Variants in RBFOX1 observed in about 807,000 individuals in gnomAD.
RBFOX1 encodes RNA binding fox-1 homolog 1.
Under a neutral mutation model 57.7 loss-of-function variants are expected in RBFOX1, and 8 were observed. The ratio of observed to expected loss-of-function variants is 0.14; its 90% CI spans 0.08 to 0.25. The LOEUF is 0.25. Ranked by LOEUF, RBFOX1 falls within the 10% of genes least tolerant of loss-of-function variation. The pLI is 1.00. For synonymous variants in RBFOX1, 326 were observed against 222.4 expected (o/e 1.47, Z -4.15); for missense variants, 611 against 548.5 (o/e 1.11, Z -1.14).
intron 2 of RBFOX1, among the ~76,000 whole-genome samples, chr16:5,473,657 A>G (rs879726871): frequency 2.2e-4 from 23 of 106,528 alleles, no homozygotes; most frequent in Non-Finnish European, 3.9e-4. Flanking sequence ...GTGGATGGAC[A>G]GAAGGAAGGA....
At chr16:5,851,564 G>C (rs2056898145) in intron 3 of RBFOX1, among the ~76,000 whole-genome samples, 1 of 152,140 alleles carries the variant, frequency 6.6e-6, no homozygotes, top group Admixed American at 6.6e-5. Flanking sequence ...GTCAACAGCA[G>C]GCCCAGCCCA....
At chr16:5,439,983 G>A (rs2068035664) in intron 1 of RBFOX1, among the ~76,000 whole-genome samples, 1 of 152,178 alleles carries the variant, frequency 6.6e-6, no homozygotes, top group African/African-American at 2.4e-5. Flanking sequence ...ATAAATGCCA[G>A]AGCTAAAGAT....
chr16:6,809,432 C>A (rs540378881), intron 3 of RBFOX1, among the ~76,000 whole-genome samples: 1 of 152,102 alleles, frequency 6.6e-6, no homozygotes, highest in African/African-American at 2.4e-5. Flanking sequence ...TGGATATACA[C>A]ATAGATGTAT....
At chr16:6,290,122 G>A (rs563095034) in intron 1 of RBFOX1, among the ~76,000 whole-genome samples, 13 of 151,178 alleles carry the variant, frequency 8.6e-5, no homozygotes, top group East Asian at 1.9e-4. Context: ...AGCTTGGATC[G>A]TTGTATTTAG....
At chr16:6,548,335 T>G (rs939499462) in intron 2 of RBFOX1, among the ~76,000 whole-genome samples, 1 of 152,142 alleles carries the variant, frequency 6.6e-6, no homozygotes, top group Non-Finnish European at 1.5e-5. Context: ...CTTAAAAGAA[T>G]AGAAATGAGA....
At chr16:7,581,513 C>G (rs1465272957) in intron 6 of RBFOX1, among the ~76,000 whole-genome samples, 11 of 152,136 alleles carry the variant, frequency 7.2e-5, no homozygotes, top group Non-Finnish European at 2.9e-5. Context: ...TCCTGACACT[C>G]TTTCATGGTG....
At position 7,295,832 on chromosome 16, in the gene RBFOX1, A is replaced by T. The variant is rs144242156; in HGVS notation, c.28-222315A>T. ...TGAGGAACAAGAATAAACTCTGGTG[A>T]TCCAACAAATTCAATTCATTTGACC... On this transcript the variant is annotated intron_variant, in intron 4 of 15. Coordinates refer to ENST00000550418, the MANE Select transcript of RBFOX1 (RefSeq NM_018723.4). Among the ~76,000 whole-genome samples, 3 of 152,278 alleles carry T rather than the reference A, an allele frequency of 2.0e-5. No homozygotes were observed. In the East Asian group the frequency reaches 5.8e-4, roughly 29 times the overall value.
chr16:5,982,804 A>G (rs1244819795), intron 4 of RBFOX1, among the ~76,000 whole-genome samples: 7 of 152,200 alleles, frequency 4.6e-5, no homozygotes, highest in Non-Finnish European at 1.0e-4. Context: ...TCTCTCTACT[A>G]GAACGTAAAT....
At chr16:5,424,862 C>CT (rs2067469725) in intron 1 of RBFOX1, among the ~76,000 whole-genome samples, 2 of 135,230 alleles carry the variant, frequency 1.5e-5, no homozygotes, top group African/African-American at 6.0e-5. Context: ...TCTCTCTCTT[C>CT]TTTCTTTCTT....
intron 1 of RBFOX1, among the ~76,000 whole-genome samples, chr16:5,258,110 C>G (rs2062635431): frequency 6.6e-6 from 1 of 152,092 alleles, no homozygotes; most frequent in Admixed American, 6.5e-5. Flanking sequence ...AACTCCTGGG[C>G]TCAAGCAGTC....
intron 4 of RBFOX1, among the ~76,000 whole-genome samples, chr16:5,912,777 G>C (rs1410345326): frequency 1.3e-5 from 2 of 152,130 alleles, no homozygotes; most frequent in Non-Finnish European, 2.9e-5. Context: ...GAAATAATTA[G>C]AGGCGGCAGA....
At chr16:7,224,139 A>AAAT (rs1423097822) in intron 4 of RBFOX1, among the ~76,000 whole-genome samples, 2 of 148,132 alleles carry the variant, frequency 1.4e-5, no homozygotes, top group African/African-American at 4.9e-5. Context: ...AAAAAAAAAA[A>AAAT]AAAAAAAAAA....
intron 2 of RBFOX1, among the ~76,000 whole-genome samples, chr16:6,375,666 C>G (rs953821190): frequency 6.6e-6 from 1 of 152,110 alleles, no homozygotes; most frequent in Non-Finnish European, 1.5e-5. Context: ...TCTTCAGCAT[C>G]CAGATGGGAA....
intron 4 of RBFOX1, among the ~76,000 whole-genome samples, chr16:7,409,126 G>C (rs1487972824): frequency 6.6e-6 from 1 of 152,220 alleles, no homozygotes; most frequent in African/African-American, 2.4e-5. Flanking sequence ...AGCCAGATCA[G>C]CAGAATCCGG....
intron 4 of RBFOX1, among the ~76,000 whole-genome samples, chr16:7,270,420 A>T (rs2153110483): frequency 6.6e-6 from 1 of 152,362 alleles, no homozygotes; most frequent in East Asian, 1.9e-4. Flanking sequence ...TAACAATGAT[A>T]AAGGAAGATA....
intron 2 of RBFOX1, among the ~76,000 whole-genome samples, chr16:6,360,124 G>A (rs750618946): frequency 4.6e-5 from 7 of 151,942 alleles, no homozygotes; most frequent in Admixed American, 4.6e-4. Flanking sequence ...TTTCCAGTAT[G>A]CATCTGTTCT....
chr16:6,582,979 C>T (rs1439765926), intron 2 of RBFOX1, among the ~76,000 whole-genome samples: 1 of 151,540 alleles, frequency 6.6e-6, no homozygotes, highest in East Asian at 1.9e-4. Flanking sequence ...TAATTCTGGA[C>T]CTCCCTCTTC....
intron 3 of RBFOX1, among the ~76,000 whole-genome samples, chr16:6,943,161 C>T (rs2078856882): frequency 1.3e-5 from 2 of 152,184 alleles, no homozygotes; most frequent in African/African-American, 4.8e-5. Context: ...TGGCTACCAG[C>T]TCTCCACTCT....
Position 6,190,563 on chromosome 16 carries a change from A to G in RBFOX1, c.-126-126432A>G, listed in dbSNP as rs139747247. ...GAAGTTGAATGAGAAAAATCGACTT[A>G]AATCTTTCAGCACTGCCTGTAACAT... is the stretch of plus-strand genomic sequence containing the variant. On this transcript the variant is annotated intron_variant, in intron 1 of 15. Transcript: ENST00000550418. 1.4e-4 allele frequency among the ~76,000 whole-genome samples: 21 copies of G among 152,320 alleles called. No individual in the cohort carries two copies. In the East Asian group the frequency reaches 4.1e-3, roughly 29 times the overall value.
Sources: allele counts gnomAD v4.1 joint callset (sites outside exome capture counted in the v4.1 genomes callset), GRCh38; gene constraint gnomAD v4.1.1; transcripts MANE v1.5; gene names NCBI Gene and HGNC (gene_info 2026-07-23, HGNC 2026-07-21).